The following CNTNAP2 variants were observed in gnomAD, a reference collection of about 807,000 sequenced individuals.
The protein encoded by CNTNAP2 is contactin-associated protein-like 2.
Under a neutral mutation model 155.2 loss-of-function variants are expected in CNTNAP2, and 98 were observed. The observed-to-expected ratio is 0.63, with a 90% CI of 0.54 to 0.75. The LOEUF (loss-of-function observed/expected upper bound fraction) is 0.75. Among genes scored for constraint, CNTNAP2 ranks in the 30% least tolerant of loss-of-function variants. The pLI, the probability that CNTNAP2 is intolerant of heterozygous loss-of-function variation, is 0.00. For missense variants in CNTNAP2, 1,727 were observed against 1,688.1 expected (o/e 1.02, Z -0.40); for synonymous variants, 651 against 631.2 (o/e 1.03, Z -0.47).
intron 8 of CNTNAP2, among the ~76,000 whole-genome samples, chr7:147,149,294 G>T (rs1801778355): frequency 6.6e-6 from 1 of 152,100 alleles, no homozygotes; most frequent in African/African-American, 2.4e-5. Flanking sequence ...GTGCTGATTG[G>T]TGTGTTTTTA....
intron 11 of CNTNAP2, among the ~76,000 whole-genome samples, chr7:147,486,596 A>C (rs956155494): frequency 1.3e-5 from 2 of 152,214 alleles, no homozygotes; most frequent in African/African-American, 4.8e-5. Flanking sequence ...AAGAGGGTAA[A>C]AATATTTTAA....
chr7:146,484,192 A>G (rs1372356928), intron 1 of CNTNAP2, among the ~76,000 whole-genome samples: 2 of 152,218 alleles, frequency 1.3e-5, no homozygotes, highest in African/African-American at 4.8e-5. Flanking sequence ...CATATAGTCT[A>G]GGTGCGTAGT....
chr7:147,514,342 C>T (rs1562974641), intron 11 of CNTNAP2, among the ~76,000 whole-genome samples: 1 of 150,784 alleles, frequency 6.6e-6, no homozygotes, highest in Non-Finnish European at 1.5e-5. Context: ...AATTTTTTTT[C>T]TGTTTATAAA....
intron 1 of CNTNAP2, among the ~76,000 whole-genome samples, chr7:146,348,441 G>T (rs1293510445): frequency 6.6e-6 from 1 of 151,964 alleles, no homozygotes; most frequent in Non-Finnish European, 1.5e-5. Flanking sequence ...AAATAAATAA[G>T]AAGCCACAGA....
At chr7:147,379,047 C>T (rs924437738) in intron 9 of CNTNAP2, among the ~76,000 whole-genome samples, 4 of 151,946 alleles carry the variant, frequency 2.6e-5, no homozygotes, top group African/African-American at 9.7e-5. Flanking sequence ...GGGACTTTCC[C>T]TCACCTTTGC....
chr7:147,608,394 G>GT (rs34394264), intron 12 of CNTNAP2, among the ~76,000 whole-genome samples: 100,487 of 151,422 alleles, frequency 0.66, 33,523 homozygotes, highest in African/African-American at 0.71. Context: ...TTTTCTAAGT[G>GT]TTTTTTTTAA....
chr7:147,671,439 T>C (rs1204516274), intron 13 of CNTNAP2, among the ~76,000 whole-genome samples: 4 of 152,086 alleles, frequency 2.6e-5, no homozygotes, highest in Non-Finnish European at 5.9e-5. Flanking sequence ...AGACACAGAG[T>C]CAAGAACTCC....
At chr7:147,882,744 T>A (rs2710096) in intron 13 of CNTNAP2, among the ~76,000 whole-genome samples, 8 of 151,816 alleles carry the variant, frequency 5.3e-5, no homozygotes, top group South Asian at 2.1e-4. Context: ...CTTTTATTAC[T>A]CATTACCCTA....
At chr7:148,274,926 C>T (rs944585328) in intron 21 of CNTNAP2, among the ~76,000 whole-genome samples, 1 of 152,102 alleles carries the variant, frequency 6.6e-6, no homozygotes, top group South Asian at 2.1e-4. Context: ...CGGGATTCAG[C>T]AAAATAATAC....
intron 20 of CNTNAP2, among the ~76,000 whole-genome samples, chr7:148,247,653 T>A (rs1326553556): frequency 6.8e-6 from 1 of 146,516 alleles, no homozygotes; most frequent in Non-Finnish European, 1.5e-5. Flanking sequence ...ATTTATTTAT[T>A]TATTTATTTA....
At chr7:147,252,507 C>T (rs1300149827) in intron 8 of CNTNAP2, among the ~76,000 whole-genome samples, 1 of 152,044 alleles carries the variant, frequency 6.6e-6, no homozygotes, top group African/African-American at 2.4e-5. Context: ...TTTTAACTTC[C>T]TGGATTTCAA....
chr7:147,742,690 ATT>A (rs1422371570), intron 13 of CNTNAP2, among the ~76,000 whole-genome samples: 1 of 152,226 alleles, frequency 6.6e-6, no homozygotes, highest in African/African-American at 2.4e-5. Flanking sequence ...GAAGCTAAGA[ATT>A]CTACGTATCT....
intron 9 of CNTNAP2, among the ~76,000 whole-genome samples, chr7:147,365,101 T>C (rs566173553): frequency 2.0e-5 from 3 of 152,076 alleles, no homozygotes; most frequent in African/African-American, 7.2e-5. Flanking sequence ...GTTTTTCCTG[T>C]TTTTAAAACT....
At chr7:147,803,684 C>A (rs1798043056) in intron 13 of CNTNAP2, among the ~76,000 whole-genome samples, 1 of 152,196 alleles carries the variant, frequency 6.6e-6, no homozygotes, top group African/African-American at 2.4e-5. Context: ...CCATCCACTC[C>A]ATTTAACTCC....
intron 11 of CNTNAP2, among the ~76,000 whole-genome samples, chr7:147,491,630 G>A (rs138030325): frequency 2.7e-4 from 41 of 152,218 alleles, no homozygotes; most frequent in African/African-American, 7.2e-4. Flanking sequence ...GACTATGCAC[G>A]CAGTGAATAT....
chr7:146,502,234 T>TATATATATATATGA (rs1797313938), intron 1 of CNTNAP2, among the ~76,000 whole-genome samples: 2 of 70,782 alleles, frequency 2.8e-5, no homozygotes, highest in African/African-American at 8.3e-5. Flanking sequence ...AATATATATA[T>TATATATATATATGA]ATATATATAT....
At chr7:148,225,006 C>T (rs889505312) in intron 19 of CNTNAP2, among the ~76,000 whole-genome samples, 1 of 152,166 alleles carries the variant, frequency 6.6e-6, no homozygotes, top group Non-Finnish European at 1.5e-5. Context: ...TTTAAGATGA[C>T]ATTTGGATAG....
intron 8 of CNTNAP2, among the ~76,000 whole-genome samples, chr7:147,198,242 T>TGTTTG (rs1399489804): frequency 1.1e-4 from 16 of 145,892 alleles, no homozygotes; most frequent in African/African-American, 4.0e-4. Context: ...CTTTTTTTTT[T>TGTTTG]TTTTTTTTTT....
At chr7:147,514,734 C>G (rs1374889595) in intron 11 of CNTNAP2, among the ~76,000 whole-genome samples, 1 of 152,138 alleles carries the variant, frequency 6.6e-6, no homozygotes, top group Non-Finnish European at 1.5e-5. Context: ...CTACCCATTG[C>G]TGAGGCCAAA....
Sources: allele counts gnomAD v4.1 joint callset (sites outside exome capture counted in the v4.1 genomes callset), GRCh38; gene constraint gnomAD v4.1.1; transcripts MANE v1.5; gene names NCBI Gene and HGNC (gene_info 2026-07-23, HGNC 2026-07-21).